The following RSRC1 variants were observed in gnomAD, a reference collection of about 807,000 sequenced individuals.
RSRC1 encodes arginine and serine rich coiled-coil 1.
Under a neutral mutation model 49.1 loss-of-function variants are expected in RSRC1, and 39 were observed. That is an observed-to-expected ratio of 0.79 (90% CI 0.61 to 1.04). The LOEUF (loss-of-function observed/expected upper bound fraction) is 1.04, where lower values mean the gene tolerates loss of function less well. Ranked by LOEUF, RSRC1 falls within the 50% of genes least tolerant of loss-of-function variation. RSRC1 has a pLI of 0.00. For missense variants in RSRC1, 388 were observed against 402.4 expected, an observed-to-expected ratio of 0.96 and a Z score of 0.31; for synonymous variants, 143 against 130.8, an observed-to-expected ratio of 1.09 and a Z score of -0.63.
chr3:158,275,786 G>T, intron 4 of RSRC1: 1 of 484,850 alleles, frequency 2.1e-6, no homozygotes, highest in South Asian at 2.5e-5. Flanking sequence ...TATTAGGTAT[G>T]AATTTTACAA....
intron 4 of RSRC1, among the ~76,000 whole-genome samples, chr3:158,272,039 GTT>G (rs201688829): frequency 1.3e-5 from 2 of 150,650 alleles, no homozygotes; most frequent in Non-Finnish European, 3.0e-5. Context: ...CCAATTTGTT[GTT>G]TTTTTTTCCA....
rs565142961 is a variant in RSRC1, at chr3:158,281,426, C to T, written c.495-16613C>T. ...ATGATATACATTTTTTGCACATGTA[C>T]GTATAGGTTGCTATTAATGCTGTGT... On this transcript the variant is annotated intron_variant, in intron 4 of 9. Coordinates refer to ENST00000611884, the MANE Select transcript of RSRC1 (RefSeq NM_001271838.2). Among the ~76,000 whole-genome samples the T allele has an allele frequency of 6.0e-5, 9 of 151,138 alleles. No individual in the cohort carries two copies. In the South Asian group the frequency reaches 1.7e-3, roughly 28 times the overall value.
intron 6 of RSRC1, among the ~76,000 whole-genome samples, chr3:158,379,810 G>A (rs376084718): frequency 7.6e-5 from 6 of 78,838 alleles, no homozygotes; most frequent in East Asian, 6.6e-4. Context: ...AAACACACGC[G>A]CATGCACACA....
intron 6 of RSRC1, among the ~76,000 whole-genome samples, chr3:158,445,209 G>T (rs892623225): frequency 5.3e-5 from 8 of 152,180 alleles, no homozygotes; most frequent in African/African-American, 1.9e-4. Context: ...GCACGGGTAT[G>T]TTTATTGCGG....
intron 7 of RSRC1, among the ~76,000 whole-genome samples, chr3:158,515,085 T>C (rs969326211): frequency 1.2e-4 from 17 of 147,352 alleles, no homozygotes; most frequent in African/African-American, 3.7e-4. Flanking sequence ...TGCCAGTCTG[T>C]GTCTTTTAAT....
rs147075883 is a variant in RSRC1 at position 158,375,004 on chromosome 3, G to A, written c.583+20096G>A. On this transcript the variant is annotated intron_variant, in intron 6 of 9. Coordinates refer to ENST00000611884, the MANE Select transcript of RSRC1 (RefSeq NM_001271838.2). ...CTCTTAAGCAATACTTGAAATGGTC[G>A]TTATTTCGCAGTTTTGCATAGTAAT... 1.5e-3 allele frequency among the ~76,000 whole-genome samples: 228 copies of A among 151,906 alleles called. 1 individual carries two copies. Among genetic ancestry groups the A allele is most frequent in the African/African-American group, 5.2e-3 (217 of 41,460 alleles).
In RSRC1 at chr3:158,147,808, G is replaced by C. The variant is rs376107277; in HGVS notation, c.320+23817G>C. ...AGGAGAAATTCTCATATTATAATCT[G>C]GCTGTGTAGGGAATCATACTAATTC... is the stretch of plus-strand genomic sequence containing the variant. On this transcript the variant is annotated intron_variant, in intron 3 of 9. Coordinates refer to ENST00000611884, the MANE Select transcript of RSRC1 (RefSeq NM_001271838.2). Among the ~76,000 whole-genome samples the C allele has an allele frequency of 2.6e-5, 4 of 152,204 alleles. No homozygotes were observed. In the East Asian group the frequency reaches 7.7e-4, roughly 29 times the overall value.
intron 8 of RSRC1, among the ~76,000 whole-genome samples, chr3:158,542,640 A>T (rs1713099787): frequency 6.6e-6 from 1 of 152,242 alleles, no homozygotes; most frequent in African/African-American, 2.4e-5. Flanking sequence ...TAGAGAAAGA[A>T]GATTAATTGT....
At chr3:158,383,531 G>A (rs891601057) in intron 6 of RSRC1, among the ~76,000 whole-genome samples, 2 of 152,004 alleles carry the variant, frequency 1.3e-5, no homozygotes, top group African/African-American at 4.8e-5. Flanking sequence ...CATTATGGAG[G>A]GAAAATCATG....
intron 5 of RSRC1, among the ~76,000 whole-genome samples, chr3:158,322,928 T>A (rs2108171076): frequency 6.6e-6 from 1 of 152,332 alleles, no homozygotes; most frequent in South Asian, 2.1e-4. Context: ...TTTGTTTAAT[T>A]CTTTGATCAT....
chr3:158,241,482 TA>T (rs1054684725), intron 4 of RSRC1, among the ~76,000 whole-genome samples: 1 of 151,278 alleles, frequency 6.6e-6, no homozygotes, highest in Non-Finnish European at 1.5e-5. Flanking sequence ...ATTATAAAAA[TA>T]TTTTTTTTAA....
intron 6 of RSRC1, among the ~76,000 whole-genome samples, chr3:158,426,344 A>G (rs2108348584): frequency 6.6e-6 from 1 of 151,744 alleles, no homozygotes; most frequent in East Asian, 2.0e-4. Flanking sequence ...TATATAAAGT[A>G]GTCTTTTAAA....
chr3:158,322,335 A>G (rs1728810017), intron 5 of RSRC1, among the ~76,000 whole-genome samples: 1 of 152,144 alleles, frequency 6.6e-6, no homozygotes. Flanking sequence ...GGCCTCAAGC[A>G]ATCCTCCTGC....
chr3:158,119,830 G>GTTT (rs1476356131), intron 1 of RSRC1, among the ~76,000 whole-genome samples: 1 of 93,134 alleles, frequency 1.1e-5, no homozygotes. Context: ...TAATTTCATA[G>GTTT]TCTTTTTTTT....
intron 6 of RSRC1, among the ~76,000 whole-genome samples, chr3:158,388,846 T>C (rs1428716079): frequency 6.6e-6 from 1 of 152,076 alleles, no homozygotes; most frequent in East Asian, 1.9e-4. Flanking sequence ...CCTGACCTCA[T>C]GATCCGCCCG....
At chr3:158,484,643 A>G (rs1738747219) in intron 7 of RSRC1, among the ~76,000 whole-genome samples, 1 of 152,120 alleles carries the variant, frequency 6.6e-6, no homozygotes, top group Non-Finnish European at 1.5e-5. Flanking sequence ...TGTGCTTTTG[A>G]AAGGTAGAAA....
At chr3:158,414,172 T>G (rs2108326513) in intron 6 of RSRC1, among the ~76,000 whole-genome samples, 1 of 152,280 alleles carries the variant, frequency 6.6e-6, no homozygotes, top group South Asian at 2.1e-4. Context: ...AGTGATAGAC[T>G]GGATAAAGAA....
At chr3:158,152,336 A>G (rs1463434365) in intron 3 of RSRC1, among the ~76,000 whole-genome samples, 2 of 152,128 alleles carry the variant, frequency 1.3e-5, no homozygotes, top group East Asian at 3.9e-4. Flanking sequence ...TAGCACTGAA[A>G]GTTCCATGTC....
intron 6 of RSRC1, among the ~76,000 whole-genome samples, chr3:158,367,268 G>A (rs539821061): frequency 1.8e-4 from 27 of 152,154 alleles, no homozygotes; most frequent in African/African-American, 6.3e-4. Context: ...TATTGGCTGT[G>A]GGTTTGTCAT....
Sources: allele counts gnomAD v4.1 joint callset (sites outside exome capture counted in the v4.1 genomes callset), GRCh38; gene constraint gnomAD v4.1.1; transcripts MANE v1.5; gene names NCBI Gene and HGNC (gene_info 2026-07-23, HGNC 2026-07-21).